CSF3R: variants seen among roughly 807,000 people sequenced by gnomAD.
CSF3R encodes granulocyte colony-stimulating factor receptor.
A neutral mutation model predicts 84.4 loss-of-function variants in CSF3R; 52 were observed. The observed-to-expected ratio is 0.62, with a 90% confidence interval of 0.49 to 0.78. The LOEUF (loss-of-function observed/expected upper bound fraction) is 0.78, where lower values mean the gene tolerates loss of function less well. Among genes scored for constraint, CSF3R ranks in the 30% least tolerant of loss-of-function variants. The probability of loss-of-function intolerance (pLI) is 0.00; values close to 1 mark genes in which losing one functional copy is unlikely to be tolerated. For missense variants in CSF3R, 890 were observed against 1,055.7 expected, an observed-to-expected ratio of 0.84 and a Z score of 2.17; for synonymous variants, 384 against 429.1, an observed-to-expected ratio of 0.89 and a Z score of 1.30.
At chr1:36,473,231 CCTCTGTGT>C in intron 6 of CSF3R, 196 bp downstream of exon 6, 1 of 618,544 alleles carries the variant, frequency 1.6e-6, no homozygotes, top group Non-Finnish European at 2.8e-6. Flanking sequence ...TGTCTCTTTG[CCTCTGTGT>C]CTCTTCCTGT....
At chr1:36,471,144 C>G (rs1650695048) in intron 10 of CSF3R, among the ~76,000 whole-genome samples, 1 of 152,034 alleles carries the variant, frequency 6.6e-6, no homozygotes, top group African/African-American at 2.4e-5. Flanking sequence ...CTCCCAGGTT[C>G]AAGCAATTCT....
intron 3 of CSF3R, chr1:36,477,606 C>T (rs1197851514): frequency 2.6e-5 from 4 of 151,992 alleles, no homozygotes; most frequent in African/African-American, 9.7e-5. Flanking sequence ...TCAACATACA[C>T]TTTGCCCGCA....
Position 36,468,071 on chromosome 1 carries a change from T to C in CSF3R, c.1723+4A>G. The C allele has an allele frequency of 6.2e-7, 1 of 1,614,188 alleles. No individual in the cohort carries two copies. The highest frequency in any genetic ancestry group is 8.5e-7 in the Non-Finnish European group (1 of 1,180,028). On this transcript the variant is annotated splice_donor_region_variant and intron_variant, in intron 13 of 16. Coordinates refer to ENST00000373106, the MANE Select transcript of CSF3R (RefSeq NM_000760.4). ...GGCTGTGGGGGAACTGAGGATAGACTCACAGAAGGACTGGTTCTGAGCGTT... is the reference window on the plus strand; with the variant it reads ...GGCTGTGGGGGAACTGAGGATAGACCCACAGAAGGACTGGTTCTGAGCGTT...
intron 10 of CSF3R, 121 bp from the exon 11 acceptor site, chr1:36,469,961 C>T (rs1650603802): frequency 1.0e-6 from 1 of 999,850 alleles, no homozygotes; most frequent in Admixed American, 2.0e-5. Flanking sequence ...GGTAGGTCAA[C>T]ATCTTAGCCT....
chr1:36,466,963 A>G lies in CSF3R; in HGVS notation c.2041-136T>C, dbSNP rs1650365450. On this transcript the variant is annotated intron_variant, in intron 16 of 16. Coordinates refer to ENST00000373106, the MANE Select transcript of CSF3R (RefSeq NM_000760.4). This position sits in a 1 kb window ranked among gnomAD's most constrained non-coding sequence, Gnocchi z 4.6. ...TGGAACACAAAGGGTACCACTTGCA[A>G]AGCACTAGTATGTTCCTCACACATG... 1 of 1,598,846 alleles carries G rather than the reference A, an allele frequency of 6.3e-7. No homozygotes were observed. The highest frequency in any genetic ancestry group is 8.5e-7 in the Non-Finnish European group (1 of 1,171,806).
At chr1:36,474,030 G>T in intron 4 of CSF3R, 143 bp from the exon 5 acceptor site, 1 of 1,285,880 alleles carries the variant, frequency 7.8e-7, no homozygotes, top group Non-Finnish European at 1.1e-6. Context: ...AGGCAGAGTG[G>T]CTCTGGAAGG....
Position 36,466,898 on chromosome 1 carries a change from G to T in CSF3R, c.2041-71C>A, listed in dbSNP as rs1308143356. ...CTGCCCCAGCCACTGTCCCTGTCTG[G>T]GTCCGGGCAGCTGTGGGGACATTCA... is the stretch of plus-strand genomic sequence containing the variant. On this transcript the variant is annotated intron_variant, in intron 16 of 16. Coordinates refer to ENST00000373106, the MANE Select transcript of CSF3R (RefSeq NM_000760.4). The surrounding 1 kb of genome is among the most constrained non-coding windows in gnomAD (Gnocchi z 4.6). 1 of 1,613,976 alleles carries T rather than the reference G, an allele frequency of 6.2e-7. No homozygotes were observed. Among genetic ancestry groups the T allele is most frequent in the Admixed American group, 1.7e-5 (1 of 60,024 alleles).
In CSF3R at chr1:36,469,200, G is replaced by A; in HGVS notation, c.1532C>T (p.Thr511Ile). The change falls in exon 12 of 17, where the codon ACC (threonine) becomes ATC (isoleucine). Residue 511 changes from threonine (T) to isoleucine (I), a missense_variant. Transcript: ENST00000373106. The part of the protein sequence containing the change: ...EIIVTPLYQD[T>I]MGPSQHVYAY... ...ATAGACATGCTGGGAGGGTCCCATG[G>A]TGTCCTGGTACAAGGGAGTCACGAT... 1 of 1,614,116 alleles carries A rather than the reference G, an allele frequency of 6.2e-7. No individual in the cohort carries two copies. The highest frequency in any genetic ancestry group is 1.1e-5 in the South Asian group (1 of 91,076).
At chr1:36,481,017 C>T (rs922286801) in intron 2 of CSF3R, among the ~76,000 whole-genome samples, 2 of 152,190 alleles carry the variant, frequency 1.3e-5, no homozygotes, top group Admixed American at 1.3e-4. Flanking sequence ...GTCTACCCAT[C>T]GGTGGTTGGT....
chr1:36,466,707 G>A lies in CSF3R; in HGVS notation c.2161C>T (p.Pro721Ser), dbSNP rs1464009733. The change falls in exon 17 of 17, where the codon CCC (proline) becomes TCC (serine). Residue 721 changes from proline (P) to serine (S), a missense_variant. Coordinates refer to ENST00000373106, the MANE Select transcript of CSF3R (RefSeq NM_000760.4). This position sits in a 1 kb window ranked among gnomAD's most constrained non-coding sequence, Gnocchi z 4.6. The part of the protein sequence containing the change: ...SHNSSETCGL[P>S]TLVQTYVLQG... ...AGCACATAGGTCTGGACCAGAGTGG[G>A]GAGGCCACAGGTCTCTGAGCTGTTA... 8 of 1,614,106 alleles carry A rather than the reference G, an allele frequency of 5.0e-6. No homozygotes were observed. Among genetic ancestry groups the A allele is most frequent in the African/African-American group, 2.7e-5 (2 of 74,940 alleles).
At chr1:36,471,674 G>A (rs777728620) in intron 9 of CSF3R, 28 bp from the exon 10 acceptor site, 6 of 1,609,714 alleles carry the variant, frequency 3.7e-6, no homozygotes, top group Non-Finnish European at 5.1e-6. Context: ...AAAAAGAGAA[G>A]GGGATGTGCA....
chr1:36,467,635 G>A lies in CSF3R; in HGVS notation c.1881C>T (p.His627=), dbSNP rs1650412780. The A allele has an allele frequency of 1.9e-6, 3 of 1,614,228 alleles. No homozygotes were observed. Among genetic ancestry groups the A allele is most frequent in the Non-Finnish European group, 2.5e-6 (3 of 1,180,044 alleles). The stretch of plus-strand genomic sequence containing the variant: ...GGAGGCCGAACAGGCCCAGGATGAT[G>A]TGTAGCTCCGACCCCTCTGCAGTGA... ...MTLTPEGSEL[H]IILGLFGLLL... is the part of the protein sequence containing the mutation. Residue 627 remains histidine (H), a synonymous_variant, in exon 15 of 17, where the codon CAC becomes CAT. Transcript: ENST00000373106. The surrounding 1 kb of genome is among the most constrained non-coding windows in gnomAD (Gnocchi z 4.1).
chr1:36,472,794 A>G lies in CSF3R; in HGVS notation c.674-108T>C. 7.6e-7 allele frequency: 1 copy of G among 1,312,816 alleles called. No homozygotes were observed. The highest frequency in any genetic ancestry group is 1.0e-6 in the Non-Finnish European group (1 of 979,216). The allele number at this position is 1,312,816 out of a possible 1,614,324, so 81.3% of individuals were successfully genotyped here. ...TGGTTCACCATCTGTCCACGTTGCCAATGACACGTTTCTGTGGTTCGATCT... is the reference window on the plus strand; with the variant it reads ...TGGTTCACCATCTGTCCACGTTGCCGATGACACGTTTCTGTGGTTCGATCT... On this transcript the variant is annotated intron_variant, in intron 6 of 16. Coordinates refer to ENST00000373106, the MANE Select transcript of CSF3R (RefSeq NM_000760.4). This position sits in a 1 kb window ranked among gnomAD's most constrained non-coding sequence, Gnocchi z 5.0.
At chr1:36,474,874 C>G (rs1216368938) in intron 4 of CSF3R, among the ~76,000 whole-genome samples, 1 of 152,150 alleles carries the variant, frequency 6.6e-6, no homozygotes, top group Non-Finnish European at 1.5e-5. Context: ...GTCACTTACC[C>G]TCCCTGAACC....
chr1:36,467,710 TC>T lies in CSF3R; in HGVS notation c.1865-60del. 1 of 1,611,446 alleles carries T rather than the reference TC, an allele frequency of 6.2e-7. No individual in the cohort carries two copies. Among genetic ancestry groups the T allele is most frequent in the African/African-American group, 1.3e-5 (1 of 75,014 alleles). On this transcript the variant is annotated intron_variant, in intron 14 of 16. Coordinates refer to ENST00000373106, the MANE Select transcript of CSF3R (RefSeq NM_000760.4). The surrounding 1 kb of genome is among the most constrained non-coding windows in gnomAD (Gnocchi z 4.1). ...TGCATGTTGGGAAGGCTGGGTCTCC[TC>T]CCTCCGACCAGGGGATTCAAAGTCA...
intron 2 of CSF3R, 80 bp from the exon 3 acceptor site, chr1:36,479,596 T>C (rs773730682): frequency 8.7e-7 from 1 of 1,154,516 alleles, no homozygotes; most frequent in Non-Finnish European, 1.3e-6. Flanking sequence ...CTGTGCAGCT[T>C]TGACTAGGTT....
At chr1:36,478,950 C>A (rs1174037037) in intron 3 of CSF3R, 1 of 245,200 alleles carries the variant, frequency 4.1e-6, no homozygotes, top group East Asian at 9.8e-5. Context: ...TTTGCCAACC[C>A]CTGCTGCACA....
Position 36,473,839 on chromosome 1 carries a change from G to A in CSF3R, c.410C>T (p.Thr137Ile). 1 of 1,614,276 alleles carries A rather than the reference G, an allele frequency of 6.2e-7. No individual in the cohort carries two copies. Among genetic ancestry groups the A allele is most frequent in the Non-Finnish European group, 8.5e-7 (1 of 1,180,048 alleles). The change falls in exon 5 of 17, where the codon ACC becomes ATC. Residue 137 changes from threonine (T) to isoleucine (I), a missense_variant. By Grantham distance (89) the Thr-to-Ile change is moderately conservative. Transcript: ENST00000373106. ...HNLSCLMNLTTSSLICQWEPG... is the reference protein window; with the variant it reads ...HNLSCLMNLTISSLICQWEPG... ...CTCCCACTGGCAGATGAGGCTGCTG[G>A]TTGTGAGGTTCATGAGGCAGGAGAG...
intron 3 of CSF3R, 67 bp from the exon 4 acceptor site, chr1:36,475,740 C>G: frequency 6.8e-7 from 1 of 1,475,630 alleles, no homozygotes; most frequent in South Asian, 1.3e-5. Context: ...TAATCTAGGC[C>G]TTTGTACTCC....
Sources: allele counts gnomAD v4.1 joint callset (sites outside exome capture counted in the v4.1 genomes callset), GRCh38; gene constraint gnomAD v4.1.1; non-coding constraint Gnocchi (gnomAD v3.1); transcripts MANE v1.5; gene names NCBI Gene and HGNC (gene_info 2026-07-23, HGNC 2026-07-21).